The following ATP8A2 variants were observed in gnomAD, a reference collection of about 807,000 sequenced individuals.
ATP8A2 encodes ATPase phospholipid transporting 8A2.
Under a neutral mutation model 165.6 loss-of-function variants are expected in ATP8A2, and 100 were observed. The observed-to-expected ratio is 0.60, with a 90% confidence interval of 0.51 to 0.71. The LOEUF (loss-of-function observed/expected upper bound fraction) is 0.71. ATP8A2 is among the 30% of genes least tolerant of loss of function. The probability of loss-of-function intolerance (pLI) is 0.00; values close to 1 mark genes in which losing one functional copy is unlikely to be tolerated. For missense variants in ATP8A2, 1,227 were observed against 1,479.5 expected (o/e 0.83, Z 2.80); for synonymous variants, 543 against 548.8 (o/e 0.99, Z 0.15).
chr13:25,666,342 T>C (rs2042153651), intron 24 of ATP8A2, among the ~76,000 whole-genome samples: 1 of 152,040 alleles, frequency 6.6e-6, no homozygotes, highest in Non-Finnish European at 1.5e-5. Flanking sequence ...CCCAAGTAGC[T>C]GGGACTACAG....
Position 25,422,518 on chromosome 13 carries a change from T to A in ATP8A2, c.77-46459T>A, listed in dbSNP as rs589016. On this transcript the variant is annotated intron_variant, in intron 1 of 36. Transcript: ENST00000381655. ...TGTTTTGCTTTTAGTACAGCCTTTTTAAAAAATTACCAAAAGATACTTGCA... is the reference window on the plus strand; with the variant it reads ...TGTTTTGCTTTTAGTACAGCCTTTTAAAAAAATTACCAAAAGATACTTGCA... Among the ~76,000 whole-genome samples, 1,059 of 152,300 alleles carry A rather than the reference T, an allele frequency of 7.0e-3. 8 individuals carry two copies. The highest frequency in any genetic ancestry group is 0.024 in the African/African-American group (979 of 41,566).
chr13:25,577,204 C>A lies in ATP8A2; in HGVS notation c.1782+66C>A, dbSNP rs1235409418. On this transcript the variant is annotated intron_variant, in intron 20 of 36. Coordinates refer to ENST00000381655, the MANE Select transcript of ATP8A2 (RefSeq NM_016529.6). ...CAGCTTTGTTAATCTGCCGCTTTTC[C>A]TAACTGCTTTCCTCATCATTCCCTG... is the stretch of plus-strand genomic sequence containing the variant. 2.3e-6 allele frequency: 3 copies of A among 1,308,598 alleles called. No homozygotes were observed. The East Asian group carries it at 6.9e-5, about 30-fold the overall frequency. 81.1% of individuals were successfully genotyped at this position (1,308,598 alleles called of 1,614,324 possible).
intron 20 of ATP8A2, among the ~76,000 whole-genome samples, 156 bp downstream of exon 20, chr13:25,577,294 C>G (rs1332395759): frequency 6.6e-6 from 1 of 152,074 alleles, no homozygotes; most frequent in East Asian, 1.9e-4. Flanking sequence ...TAGTAAAAGC[C>G]CACTGAAGAT....
intron 34 of ATP8A2, among the ~76,000 whole-genome samples, chr13:25,963,976 G>A (rs762204349): frequency 5.9e-5 from 9 of 152,248 alleles, no homozygotes; most frequent in African/African-American, 9.6e-5. Flanking sequence ...TTTCCAAGGA[G>A]CTTGCCAACT....
chr13:25,529,067 A>G (rs2037945927), intron 2 of ATP8A2, among the ~76,000 whole-genome samples: 1 of 152,098 alleles, frequency 6.6e-6, no homozygotes, highest in African/African-American at 2.4e-5. Flanking sequence ...ATGAGTGAGA[A>G]CATGTGGTGT....
chr13:25,726,271 A>G (rs2043491723), intron 25 of ATP8A2, among the ~76,000 whole-genome samples: 1 of 152,222 alleles, frequency 6.6e-6, no homozygotes, highest in South Asian at 2.1e-4. Flanking sequence ...ATGTAACTCA[A>G]TGTGTCAGGT....
chr13:25,906,920 T>C (rs1012492080), intron 33 of ATP8A2, among the ~76,000 whole-genome samples: 4 of 152,214 alleles, frequency 2.6e-5, no homozygotes, highest in African/African-American at 7.2e-5. Context: ...CTGTTTATTG[T>C]ATTCCAACAA....
At chr13:25,394,128 G>A (rs763269122) in intron 1 of ATP8A2, among the ~76,000 whole-genome samples, 1 of 152,194 alleles carries the variant, frequency 6.6e-6, no homozygotes, top group African/African-American at 2.4e-5. Context: ...CATCTTTAAA[G>A]CAGGTTGTAA....
intron 29 of ATP8A2, among the ~76,000 whole-genome samples, chr13:25,838,261 T>A (rs1951670813): frequency 6.6e-6 from 1 of 152,208 alleles, no homozygotes; most frequent in East Asian, 1.9e-4. Context: ...CTGAGCCAGA[T>A]GTTCCTGACG....
At chr13:25,907,019 C>G (rs962444048) in intron 33 of ATP8A2, among the ~76,000 whole-genome samples, 2 of 152,194 alleles carry the variant, frequency 1.3e-5, no homozygotes, top group African/African-American at 4.8e-5. Context: ...CACTTGAGGT[C>G]AGGAGTTTGA....
intron 26 of ATP8A2, among the ~76,000 whole-genome samples, 181 bp from the exon 27 acceptor site, chr13:25,774,668 G>C (rs1021468597): frequency 2.0e-5 from 3 of 152,176 alleles, no homozygotes; most frequent in Admixed American, 2.0e-4. Context: ...TTTCAAGAAG[G>C]ATTTTACTTG....
At chr13:25,733,151 T>C (rs913230084) in intron 25 of ATP8A2, among the ~76,000 whole-genome samples, 1 of 152,220 alleles carries the variant, frequency 6.6e-6, no homozygotes, top group African/African-American at 2.4e-5. Flanking sequence ...ATAATCTGGC[T>C]GACAGCAGGT....
At chr13:25,768,894 T>G in intron 25 of ATP8A2, 152 bp from the exon 26 acceptor site, 5 of 746,504 alleles carry the variant, frequency 6.7e-6, no homozygotes, top group Non-Finnish European at 1.1e-5. Flanking sequence ...AGCTACTGTT[T>G]TCTGAAAGCT....
Position 25,716,853 on chromosome 13 carries a change from C to T in ATP8A2, c.2384+17508C>T, listed in dbSNP as rs142783091. ...AGGAAAGAGGAAAAAGAAGCAAATG[C>T]AGTGATGACAAGTTGTGAGAGAAGA... is the stretch of plus-strand genomic sequence containing the variant. On this transcript the variant is annotated intron_variant, in intron 25 of 36. Coordinates refer to ENST00000381655, the MANE Select transcript of ATP8A2 (RefSeq NM_016529.6). Among the ~76,000 whole-genome samples the T allele has an allele frequency of 3.9e-3, 590 of 152,196 alleles. 3 individuals are homozygous for T. The highest frequency in any genetic ancestry group is 0.013 in the African/African-American group (559 of 41,520).
intron 36 of ATP8A2, among the ~76,000 whole-genome samples, chr13:26,015,717 C>A (rs1253205687): frequency 6.6e-6 from 1 of 152,222 alleles, no homozygotes; most frequent in African/African-American, 2.4e-5. Flanking sequence ...TCCATTCTGG[C>A]TGTGGCTGTT....
At chr13:25,904,339 C>G (rs1350931216) in intron 33 of ATP8A2, among the ~76,000 whole-genome samples, 2 of 152,248 alleles carry the variant, frequency 1.3e-5, no homozygotes, top group Non-Finnish European at 2.9e-5. Context: ...AGCGCCATTG[C>G]TGCCAGACAG....
At chr13:25,639,592 G>A (rs984562411) in intron 24 of ATP8A2, among the ~76,000 whole-genome samples, 1 of 152,200 alleles carries the variant, frequency 6.6e-6, no homozygotes, top group African/African-American at 2.4e-5. Flanking sequence ...GGAGCACCCA[G>A]ATTCATAAAG....
chr13:25,745,769 G>C (rs1254758959), intron 25 of ATP8A2, among the ~76,000 whole-genome samples: 1 of 152,172 alleles, frequency 6.6e-6, no homozygotes, highest in Non-Finnish European at 1.5e-5. Flanking sequence ...ATAGAACTTT[G>C]ATTGCTTATT....
chr13:25,646,061 C>A (rs755946251), intron 24 of ATP8A2, among the ~76,000 whole-genome samples: 2 of 152,098 alleles, frequency 1.3e-5, no homozygotes, highest in Non-Finnish European at 2.9e-5. Context: ...CCTTAAGATT[C>A]TTTAATATTT....
Sources: allele counts gnomAD v4.1 joint callset (sites outside exome capture counted in the v4.1 genomes callset), GRCh38; gene constraint gnomAD v4.1.1; transcripts MANE v1.5; gene names NCBI Gene and HGNC (gene_info 2026-07-23, HGNC 2026-07-21).